Variants in ACLY observed in about 807,000 individuals in gnomAD.
ACLY encodes ATP citrate lyase.
Under a neutral mutation model 133.0 loss-of-function variants are expected in ACLY, and 41 were observed. The observed-to-expected ratio is 0.31, with a 90% CI of 0.24 to 0.40. The LOEUF (loss-of-function observed/expected upper bound fraction) is 0.40, where lower values mean the gene tolerates loss of function less well. Among genes scored for constraint, ACLY ranks in the 10% least tolerant of loss-of-function variants. The pLI is 1.00. For missense variants in ACLY, 1,046 were observed against 1,453.8 expected (o/e 0.72, Z 4.56); for synonymous variants, 495 against 549.3 (o/e 0.90, Z 1.38).
At position 41,867,672 on chromosome 17, in the gene ACLY, C is replaced by T. The variant is rs1051339596; in HGVS notation, c.*138G>A. ...GTGTTAGCCTGTGGATGTTGGTCTT[C>T]GGTGCCTGTACCCCAGTGGCTGTTT... On this transcript the variant is annotated 3_prime_UTR_variant, in exon 29 of 29. Coordinates refer to ENST00000352035, the MANE Select transcript of ACLY (RefSeq NM_001096.3). The T allele has an allele frequency of 1.5e-5, 8 of 536,932 alleles. No homozygotes were observed. Among genetic ancestry groups the T allele is most frequent in the Admixed American group, 1.0e-4 (3 of 28,804 alleles). 33.3% of individuals were successfully genotyped at this position (536,932 alleles called of 1,614,324 possible).
At chr17:41,876,936 A>C (rs1555626298) in intron 22 of ACLY, among the ~76,000 whole-genome samples, 1 of 152,140 alleles carries the variant, frequency 6.6e-6, no homozygotes, top group Non-Finnish European at 1.5e-5. Context: ...AAAGGAAAAA[A>C]AAAAAAGAAA....
At chr17:41,901,061 C>T (rs970227919) in intron 11 of ACLY, among the ~76,000 whole-genome samples, 1 of 151,782 alleles carries the variant, frequency 6.6e-6, no homozygotes, top group East Asian at 1.9e-4. Flanking sequence ...TTCAGGTGAT[C>T]CTCCCACCTC....
intron 7 of ACLY, among the ~76,000 whole-genome samples, 197 bp downstream of exon 7, chr17:41,907,245 A>C (rs1226062060): frequency 6.6e-6 from 1 of 152,022 alleles, no homozygotes; most frequent in Non-Finnish European, 1.5e-5. Context: ...ATCTAAAAGG[A>C]TTTCTGGCTG....
chr17:41,876,001 G>A (rs1412313267), intron 22 of ACLY, among the ~76,000 whole-genome samples: 57 of 151,306 alleles, frequency 3.8e-4, no homozygotes, highest in Non-Finnish European at 6.8e-4. Flanking sequence ...AGTGAGGAGC[G>A]CCTCTTCCCG....
At chr17:41,915,150 T>C (rs945964463) in intron 1 of ACLY, among the ~76,000 whole-genome samples, 11 of 152,148 alleles carry the variant, frequency 7.2e-5, no homozygotes, top group African/African-American at 2.7e-4. Context: ...GAGTCTATGA[T>C]AAGAATTTCA....
At chr17:41,906,378 C>T (rs782238098) in intron 8 of ACLY, 150 bp downstream of exon 8, 11 of 666,826 alleles carry the variant, frequency 1.6e-5, no homozygotes, top group African/African-American at 3.6e-5. Context: ...AGGCCCTCAC[C>T]AACATCCCTC....
chr17:41,884,688 C>T (rs1364053493), intron 18 of ACLY, among the ~76,000 whole-genome samples: 1 of 152,126 alleles, frequency 6.6e-6, no homozygotes, highest in Non-Finnish European at 1.5e-5. Flanking sequence ...AGTTCCAGAC[C>T]AGCCTGGCCA....
chr17:41,909,456 C>T (rs1373448021), intron 5 of ACLY, 54 bp downstream of exon 5: 1 of 1,578,952 alleles, frequency 6.3e-7, no homozygotes, highest in Middle Eastern at 1.7e-4. Flanking sequence ...GTGCCCAGAG[C>T]CTGTCGGTCT....
Position 41,910,236 on chromosome 17 carries a change from C to T in ACLY, c.331G>A (p.Val111Ile), listed in dbSNP as rs541819037. ...CTCACACATACCTGACTGTGGGGGACGAAGGGCTCGATCAGAAAGTTCTTG... is the reference window on the plus strand; with the variant it reads ...CTCACACATACCTGACTGTGGGGGATGAAGGGCTCGATCAGAAAGTTCTTG... The part of the protein sequence containing the change: ...FLKNFLIEPF[V>I]PHSQAEEFYV... The change falls in exon 4 of 29, where the codon GTC becomes ATC. Residue 111 changes from valine (V) to isoleucine (I), a missense_variant. Val to Ile is a conservative substitution (Grantham distance 29). Coordinates refer to ENST00000352035, the MANE Select transcript of ACLY (RefSeq NM_001096.3). The T allele has an allele frequency of 1.1e-5, 18 of 1,613,634 alleles. No individual in the cohort carries two copies. In the African/African-American group the frequency reaches 1.3e-4, roughly 12 times the overall value.
At chr17:41,919,747 G>C (rs1555635209), upstream of ACLY, among the ~76,000 whole-genome samples, 1 of 152,242 alleles carries the variant, frequency 6.6e-6, no homozygotes, top group Non-Finnish European at 1.5e-5. Flanking sequence ...CACAGGCTTA[G>C]ACACTGGAAT....
chr17:41,872,140 C>G lies in ACLY; in HGVS notation c.2685G>C (p.Met895Ile), dbSNP rs370553090. 5 of 1,614,040 alleles carry G rather than the reference C, an allele frequency of 3.1e-6. No individual in the cohort carries two copies. The highest frequency in any genetic ancestry group is 3.4e-6 in the Non-Finnish European group (4 of 1,180,010). The change falls in exon 24 of 29, where the codon ATG (methionine) becomes ATC (isoleucine). Residue 895 changes from methionine (M) to isoleucine (I), a missense_variant. This residue lies in a region of ACLY where 205 missense variants were observed against 373.3 expected (regional missense o/e 0.55). Coordinates refer to ENST00000352035, the MANE Select transcript of ACLY (RefSeq NM_001096.3). Reference protein sequence around the residue: ...YSCQFIEMCLMVTADHGPAVS... With the variant: ...YSCQFIEMCLIVTADHGPAVS... Reference sequence around the variant, plus strand: ...CGGCTGGCCCGTGATCAGCTGTCACCATCAGACACATCTCAATGAACTGGC... The same window carrying G: ...CGGCTGGCCCGTGATCAGCTGTCACGATCAGACACATCTCAATGAACTGGC...
intron 18 of ACLY, among the ~76,000 whole-genome samples, chr17:41,884,848 A>C (rs1203151336): frequency 2.0e-5 from 3 of 152,074 alleles, no homozygotes; most frequent in Admixed American, 1.3e-4. Flanking sequence ...ACAAACAAAC[A>C]AAAAAAACCT....
chr17:41,873,910 C>G lies in ACLY; in HGVS notation c.2543G>C (p.Arg848Pro), dbSNP rs1555625544. Reference sequence around the variant, plus strand: ...GCCCGCGTAGATGAGCTCCTGTCCTCGCTCATCGCAGATGCTGGTCATGAA... The same window carrying G: ...GCCCGCGTAGATGAGCTCCTGTCCTGGCTCATCGCAGATGCTGGTCATGAA... ...ASFMTSICDE[R>P]GQELIYAGMP... The change falls in exon 23 of 29, where the codon CGA (arginine) becomes CCA (proline). Residue 848 changes from arginine to proline, a missense_variant. Transcript: ENST00000352035. The G allele has an allele frequency of 6.2e-7, 1 of 1,610,322 alleles. No homozygotes were observed. The highest frequency in any genetic ancestry group is 8.5e-7 in the Non-Finnish European group (1 of 1,177,322).
In ACLY at chr17:41,910,280, C is replaced by T; in HGVS notation, c.287G>A (p.Gly96Asp). The change falls in exon 4 of 29, where the codon GGC (glycine) becomes GAC (aspartate). Residue 96 changes from glycine to aspartate, a missense_variant. Gly to Asp is a moderately conservative substitution (Grantham distance 94). Coordinates refer to ENST00000352035, the MANE Select transcript of ACLY (RefSeq NM_001096.3). The part of the protein sequence containing the change: ...KPRLGQEATV[G>D]KATGFLKNFL... ...GTTCTTGAGGAAGCCTGTGGCCTTGCCAACCTACAGAAAAATTGAGGGAGA... is the reference window on the plus strand; with the variant it reads ...GTTCTTGAGGAAGCCTGTGGCCTTGTCAACCTACAGAAAAATTGAGGGAGA... The T allele has an allele frequency of 6.2e-7, 1 of 1,613,394 alleles. No homozygotes were observed. The highest frequency in any genetic ancestry group is 8.5e-7 in the Non-Finnish European group (1 of 1,179,690).
chr17:41,870,298 G>C (rs1297876341), intron 25 of ACLY: 1 of 152,238 alleles, frequency 6.6e-6, no homozygotes, highest in Non-Finnish European at 1.5e-5. Context: ...CAGGAGCTGG[G>C]GCTGGCTGAG....
upstream of ACLY, among the ~76,000 whole-genome samples, chr17:41,919,879 G>A (rs2050155239): frequency 6.6e-6 from 1 of 152,196 alleles, no homozygotes; most frequent in Non-Finnish European, 1.5e-5. Context: ...TGTGAAATCA[G>A]TCCTGGAAAT....
intron 1 of ACLY, among the ~76,000 whole-genome samples, chr17:41,916,382 T>TGTTTTG (rs144031491): frequency 7.2e-5 from 10 of 139,492 alleles, no homozygotes; most frequent in African/African-American, 2.7e-4. Context: ...TGTTTTGTTT[T>TGTTTTG]TTTTTTTTTG....
chr17:41,884,934 A>C (rs2049011550), intron 18 of ACLY, among the ~76,000 whole-genome samples: 1 of 152,088 alleles, frequency 6.6e-6, no homozygotes, highest in Admixed American at 6.6e-5. Flanking sequence ...TAGTGGTGCG[A>C]TGTTGGTGCA....
chr17:41,899,658 G>A (rs1407078861), intron 11 of ACLY, among the ~76,000 whole-genome samples: 1 of 152,068 alleles, frequency 6.6e-6, no homozygotes, highest in African/African-American at 2.4e-5. Flanking sequence ...TTTACTTGTG[G>A]AATGTTCTAA....
Sources: allele counts gnomAD v4.1 joint callset (sites outside exome capture counted in the v4.1 genomes callset), GRCh38; gene constraint gnomAD v4.1.1; regional missense constraint gnomAD v4.1.1; transcripts MANE v1.5; gene names NCBI Gene and HGNC (gene_info 2026-07-23, HGNC 2026-07-21).